Variants in ZNF774 observed in about 807,000 individuals in gnomAD.
ZNF774 encodes zinc finger protein 774.
Under a neutral mutation model 11.1 loss-of-function variants are expected in ZNF774, and 14 were observed. The observed-to-expected ratio is 1.26, with a 90% CI of 0.83 to 1.97. The LOEUF (loss-of-function observed/expected upper bound fraction) is 1.97. Ranked by LOEUF, ZNF774 falls within the 30% of genes most tolerant of loss-of-function variation. ZNF774 has a pLI of 0.00. For missense variants in ZNF774, 599 were observed against 587.0 expected (o/e 1.02, Z -0.21); for synonymous variants, 195 against 212.6 (o/e 0.92, Z 0.72).
At chr15:90,357,401 G>A (rs58436485) in intron 2 of ZNF774, among the ~76,000 whole-genome samples, 23,842 of 152,114 alleles carry the variant, frequency 0.16, 2,167 homozygotes, top group South Asian at 0.24. Flanking sequence ...CTACTTGGGA[G>A]GCTGAGGTGA....
In ZNF774 at chr15:90,360,612, A is replaced by G. The variant is rs777736035; in HGVS notation, c.781A>G (p.Lys261Glu). Residue 261 changes from lysine (K) to glutamate (E), a missense_variant, in exon 4 of 4, where the codon AAG (lysine) becomes GAG (glutamate). Lys to Glu is a moderately conservative substitution (Grantham distance 56). Transcript: ENST00000354377. The part of the protein sequence containing the change: ...IMHQRTHTGE[K>E]PYACLECHKS... ...GCACCAAAGAACCCACACAGGCGAG[A>G]AGCCCTACGCGTGCCTGGAATGTCA... The G allele has an allele frequency of 2.4e-5, 39 of 1,614,048 alleles. No individual in the cohort carries two copies. Among genetic ancestry groups the G allele is most frequent in the Non-Finnish European group, 2.5e-5 (29 of 1,180,036 alleles).
intron 2 of ZNF774, 81 bp from the exon 3 acceptor site, chr15:90,358,770 G>A: frequency 2.7e-6 from 3 of 1,103,174 alleles, no homozygotes; most frequent in Non-Finnish European, 4.1e-6. Flanking sequence ...TCCATACCTA[G>A]GCAGGGAGTA....
rs746119011 is a variant in ZNF774 at position 90,360,534 on chromosome 15, T to C, written c.703T>C (p.Tyr235His). 6 of 1,613,512 alleles carry C rather than the reference T, an allele frequency of 3.7e-6. No homozygotes were observed. In the South Asian group the frequency reaches 6.6e-5, roughly 18 times the overall value. Residue 235 changes from tyrosine (Y) to histidine (H), a missense_variant, in exon 4 of 4, where the codon TAT becomes CAT. Coordinates refer to ENST00000354377, the MANE Select transcript of ZNF774 (RefSeq NM_001004309.3). ...GAGAACCCACACAGGGGAGAGACCC[T>C]ATGAGTGCCCAGAGTGTGGAAAGAC... is the stretch of plus-strand genomic sequence containing the variant. Reference protein sequence around the residue: ...HQRTHTGERPYECPECGKTFG... With the variant: ...HQRTHTGERPHECPECGKTFG...
chr15:90,358,937 T>G lies in ZNF774; in HGVS notation c.191T>G (p.Ile64Ser). Residue 64 changes from isoleucine (I) to serine (S), a missense_variant, in exon 3 of 4, where the codon ATC becomes AGC. By Grantham distance (142) the Ile-to-Ser change is moderately radical (BLOSUM62 -2). Transcript: ENST00000354377. ...CTCCAAAACTTTGAGGCGAGGAAGA[T>G]CCCGAGGGAAAGCCACACAGGTGAG... The part of the protein sequence containing the change: ...LPLQNFEARK[I>S]PRESHTDCEH... The G allele has an allele frequency of 6.2e-7, 1 of 1,613,686 alleles. No individual in the cohort carries two copies. Among genetic ancestry groups the G allele is most frequent in the South Asian group, 1.1e-5 (1 of 91,078 alleles).
intron 2 of ZNF774, among the ~76,000 whole-genome samples, chr15:90,357,167 G>A (rs1434370523): frequency 6.6e-6 from 1 of 152,042 alleles, no homozygotes; most frequent in Non-Finnish European, 1.5e-5. Context: ...TTATATGAAA[G>A]TGCGCATTTC....
rs1332194637 is a variant in ZNF774, at chr15:90,362,370, C to G, written c.*1087C>G. On this transcript the variant is annotated 3_prime_UTR_variant, in exon 4 of 4. Coordinates refer to ENST00000354377, the MANE Select transcript of ZNF774 (RefSeq NM_001004309.3). ...GAGAAAATATCCTACAATGAACAAG[C>G]CAGAGGGACCTGGTAGAGGACTATA... 4.9e-6 allele frequency: 3 copies of G among 607,118 alleles called. No individual in the cohort carries two copies. In the Admixed American group the frequency reaches 8.2e-5, roughly 17 times the overall value. 37.6% of individuals were successfully genotyped at this position (607,118 alleles called of 1,614,324 possible).
intron 2 of ZNF774, among the ~76,000 whole-genome samples, chr15:90,357,452 G>A (rs1180669284): frequency 6.6e-6 from 1 of 152,198 alleles, no homozygotes; most frequent in Non-Finnish European, 1.5e-5. Context: ...GCAGTTAACT[G>A]TGATTGTACC....
Position 90,361,425 on chromosome 15 carries a change from C to T in ZNF774, c.*142C>T, listed in dbSNP as rs57608780. On this transcript the variant is annotated 3_prime_UTR_variant, in exon 4 of 4. Coordinates refer to ENST00000354377, the MANE Select transcript of ZNF774 (RefSeq NM_001004309.3). ...TCCCTCTTTCTTGTCTATGTTATAA[C>T]AGAGAGGATAAACTTAAAGGGTCCA... 6,447 of 1,472,232 alleles carry T rather than the reference C, an allele frequency of 4.4e-3. 170 individuals carry two copies. In the African/African-American group the frequency reaches 0.068, roughly 16 times the overall value. The allele number at this position is 1,472,232 out of a possible 1,614,324, so 91.2% of individuals were successfully genotyped here.
At chr15:90,355,559 C>T (rs931734877) in intron 2 of ZNF774, 1 of 382,940 alleles carries the variant, frequency 2.6e-6, no homozygotes, top group Non-Finnish European at 5.1e-6. Flanking sequence ...CCTGTCTCTA[C>T]TAAAAATAAA....
Position 90,360,621 on chromosome 15 carries a change from G to A in ZNF774, c.790G>A (p.Ala264Thr), listed in dbSNP as rs754213138. The change falls in exon 4 of 4, where the codon GCG becomes ACG. Residue 264 changes from alanine (A) to threonine (T), a missense_variant. Transcript: ENST00000354377. ...AACCCACACAGGCGAGAAGCCCTAC[G>A]CGTGCCTGGAATGTCACAAAAGCTT... is the stretch of plus-strand genomic sequence containing the variant. The part of the protein sequence containing the change: ...QRTHTGEKPY[A>T]CLECHKSFSR... 6.2e-6 allele frequency: 10 copies of A among 1,613,966 alleles called. No homozygotes were observed. Among genetic ancestry groups the A allele is most frequent in the South Asian group, 1.1e-5 (1 of 91,064 alleles).
rs547401944 is a variant in ZNF774 at position 90,361,714 on chromosome 15, A to G, written c.*431A>G. On this transcript the variant is annotated 3_prime_UTR_variant, in exon 4 of 4. Coordinates refer to ENST00000354377, the MANE Select transcript of ZNF774 (RefSeq NM_001004309.3). ...GTAGTCCCAGCTACTCGGGAGGCCG[A>G]GGCAGAAGAATCATTTGAACTCAGA... 8.9e-5 allele frequency: 15 copies of G among 168,938 alleles called. No homozygotes were observed. Among genetic ancestry groups the G allele is most frequent in the Admixed American group, 8.8e-4 (15 of 17,136 alleles). 10.5% of individuals were successfully genotyped at this position (168,938 alleles called of 1,614,324 possible). A position where few individuals can be genotyped will look rare whatever the true frequency, so the allele number is the denominator to read the frequency against.
At chr15:90,358,741 A>G (rs1964281160) in intron 2 of ZNF774, 110 bp from the exon 3 acceptor site, 1 of 717,216 alleles carries the variant, frequency 1.4e-6, no homozygotes. Context: ...AATACACGTT[A>G]GAGCTCCCCA....
rs1964347561 is a variant in ZNF774, at chr15:90,362,306, G to A, written c.*1023G>A. On this transcript the variant is annotated 3_prime_UTR_variant, in exon 4 of 4. Coordinates refer to ENST00000354377, the MANE Select transcript of ZNF774 (RefSeq NM_001004309.3). ...GAAGCTCTTTTAAATGGCAGTGTAT[G>A]GCAGTGTATCTACCAGAGGTTTGCT... The A allele has an allele frequency of 2.0e-6, 1 of 499,452 alleles. No homozygotes were observed. The highest frequency in any genetic ancestry group is 2.6e-5 in the South Asian group (1 of 38,182). The allele number at this position is 499,452 out of a possible 1,614,324, so 30.9% of individuals were successfully genotyped here. A position where few individuals can be genotyped will look rare whatever the true frequency, so the allele number is the denominator to read the frequency against.
chr15:90,360,710 T>A lies in ZNF774; in HGVS notation c.879T>A (p.Cys293Ter), dbSNP rs1964319249. 5 of 1,614,152 alleles carry A rather than the reference T, an allele frequency of 3.1e-6. No individual in the cohort carries two copies. The highest frequency in any genetic ancestry group is 4.2e-6 in the Non-Finnish European group (5 of 1,180,036). Reference sequence around the variant, plus strand: ...ACACAGGGGTGAAGCCTTACAGGTGTAATGACTGTGGGGAGAGTTTTAGCC... The same window carrying A: ...ACACAGGGGTGAAGCCTTACAGGTGAAATGACTGTGGGGAGAGTTTTAGCC... ...RTHTGVKPYR[C>*]NDCGESFSQS... The change falls in exon 4 of 4, where the codon TGT (cysteine) becomes TGA (stop). Residue 293 changes from cysteine (C) to a stop codon, truncating the protein, a stop_gained. Coordinates refer to ENST00000354377, the MANE Select transcript of ZNF774 (RefSeq NM_001004309.3). LOFTEE classifies it low-confidence loss of function (END_TRUNC).
intron 1 of ZNF774, among the ~76,000 whole-genome samples, chr15:90,353,594 ATT>A (rs11299715): frequency 3.0e-4 from 42 of 141,022 alleles, no homozygotes; most frequent in Non-Finnish European, 3.1e-4. Flanking sequence ...TGCTGGCTGC[ATT>A]TTTTTTTTTT....
At chr15:90,358,076 C>T (rs865773978) in intron 2 of ZNF774, among the ~76,000 whole-genome samples, 35 of 151,964 alleles carry the variant, frequency 2.3e-4, no homozygotes, top group Middle Eastern at 3.4e-3. Flanking sequence ...TTAGTAGAGA[C>T]GGGGTTTCAC....
Position 90,360,334 on chromosome 15 carries a change from G to C in ZNF774, c.503G>C (p.Arg168Thr). ...TTTAACCAGAGTTCCTATCTCATAAGACACCTAAGAACCCACACTGGCGAG... is the reference window on the plus strand; with the variant it reads ...TTTAACCAGAGTTCCTATCTCATAACACACCTAAGAACCCACACTGGCGAG... ...KSFNQSSYLI[R>T]HLRTHTGERP... is the part of the protein sequence containing the mutation. The change falls in exon 4 of 4, where the codon AGA becomes ACA. Residue 168 changes from arginine to threonine, a missense_variant. Physicochemically the swap from Arg to Thr is moderately conservative, Grantham distance 71. Transcript: ENST00000354377. 6.2e-6 allele frequency: 10 copies of C among 1,614,204 alleles called. No homozygotes were observed. The highest frequency in any genetic ancestry group is 8.5e-6 in the Non-Finnish European group (10 of 1,180,034).
intron 3 of ZNF774, among the ~76,000 whole-genome samples, chr15:90,359,294 G>A (rs1222209403): frequency 4.7e-5 from 7 of 150,134 alleles, no homozygotes; most frequent in African/African-American, 7.4e-5. Context: ...GGATGGTCTC[G>A]ATCTCCTGAC....
chr15:90,352,552 G>C (rs941853989), intron 1 of ZNF774, 141 bp downstream of exon 1: 9 of 152,364 alleles, frequency 5.9e-5, no homozygotes, highest in African/African-American at 2.2e-4. Flanking sequence ...GCTGGGCTGT[G>C]GGAGAGGTAG....
Sources: gnomAD v4.1 joint callset for allele counts (sites outside exome capture counted in the v4.1 genomes callset) on GRCh38, gnomAD v4.1.1 for gene constraint, MANE v1.5 for transcripts, NCBI Gene and HGNC (gene_info 2026-07-23, HGNC 2026-07-21) for gene names.